Variants in SLAMF9 observed in about 807,000 individuals in gnomAD.
The protein encoded by SLAMF9 is SLAM family member 9, also known as CD2 family member 10.
SLAMF9 carries 25 observed loss-of-function variants against 30.4 expected under a neutral mutation model. The observed-to-expected ratio is 0.82, with a 90% CI of 0.60 to 1.15. The LOEUF is 1.15. Among genes scored for constraint, SLAMF9 ranks in the 50% most tolerant of loss-of-function variants. The pLI is 0.00. For synonymous variants in SLAMF9, 129 were observed against 127.2 expected, an observed-to-expected ratio of 1.01 and a Z score of -0.09; for missense variants, 344 against 346.1, an observed-to-expected ratio of 0.99 and a Z score of 0.05.
intron 2 of SLAMF9, 39 bp from the exon 3 acceptor site, chr1:159,952,573 A>C: frequency 6.2e-7 from 1 of 1,603,082 alleles, no homozygotes; most frequent in Non-Finnish European, 8.5e-7. Context: ...CTAAACAATC[A>C]GGGATCGGGT....
chr1:159,975,855 T>C, the SLAMF9 span, among the ~76,000 whole-genome samples: 13 of 152,128 alleles, frequency 8.5e-5, no homozygotes, highest in Admixed American at 8.5e-4. Flanking sequence ...AATAGGAAAT[T>C]GAGGGCAAGA....
chr1:159,981,698 C>T, the SLAMF9 span, among the ~76,000 whole-genome samples: 1 of 152,252 alleles, frequency 6.6e-6, no homozygotes, highest in Non-Finnish European at 1.5e-5. Context: ...AGCCTCCAGC[C>T]TCCTGCTGCT....
chr1:159,980,547 A>ATT, the SLAMF9 span: 1 of 144,722 alleles, frequency 6.9e-6, no homozygotes, highest in Non-Finnish European at 1.5e-5. Flanking sequence ...TGTTCACTCT[A>ATT]TTTTTTTTTT....
chr1:159,970,243 A>T, the SLAMF9 span, among the ~76,000 whole-genome samples: 1 of 152,192 alleles, frequency 6.6e-6, no homozygotes, highest in Non-Finnish European at 1.5e-5. Flanking sequence ...CTGAATGATT[A>T]GAAAGATAAA....
the SLAMF9 span, chr1:159,980,547 AT>A: frequency 1.1e-3 from 163 of 144,790 alleles, 2 homozygotes; most frequent in Middle Eastern, 3.5e-3. Flanking sequence ...TGTTCACTCT[AT>A]TTTTTTTTTT....
the SLAMF9 span, among the ~76,000 whole-genome samples, chr1:159,965,281 G>A: frequency 1.3e-5 from 2 of 152,192 alleles, no homozygotes; most frequent in Non-Finnish European, 2.9e-5. Context: ...AAACAAGGCA[G>A]GATAAAGGAA....
the SLAMF9 span, chr1:159,973,785 G>A: frequency 1.9e-6 from 3 of 1,613,346 alleles, no homozygotes; most frequent in East Asian, 2.2e-5. Context: ...AAACTCCCAA[G>A]CTGGTGACTT....
the SLAMF9 span, among the ~76,000 whole-genome samples, chr1:159,960,269 G>C: frequency 6.9e-6 from 1 of 145,828 alleles, no homozygotes; most frequent in East Asian, 2.0e-4. Context: ...GGCGGTGTTT[G>C]GTTTTTTGTC....
the SLAMF9 span, among the ~76,000 whole-genome samples, chr1:159,962,837 A>G: frequency 6.6e-6 from 1 of 152,214 alleles, no homozygotes; most frequent in Admixed American, 6.5e-5. Context: ...TAAGCCTGTT[A>G]TCCTGCCCTA....
chr1:159,983,189 G>T, the SLAMF9 span: 1 of 152,284 alleles, frequency 6.6e-6, no homozygotes, highest in East Asian at 1.9e-4. Context: ...GAGGTTTAAG[G>T]CCAATTAGCA....
the SLAMF9 span, chr1:159,974,023 C>A: frequency 6.2e-7 from 1 of 1,607,704 alleles, no homozygotes; most frequent in East Asian, 2.2e-5. Flanking sequence ...AGGGCATCTC[C>A]TTCAAACACA....
At chr1:159,969,366 A>G in the SLAMF9 span, among the ~76,000 whole-genome samples, 1 of 152,188 alleles carries the variant, frequency 6.6e-6, no homozygotes, top group African/African-American at 2.4e-5. Context: ...TCCTTCCTCT[A>G]GAACAGTGGC....
At chr1:159,967,637 A>G in the SLAMF9 span, among the ~76,000 whole-genome samples, 3 of 152,256 alleles carry the variant, frequency 2.0e-5, no homozygotes, top group African/African-American at 7.2e-5. Flanking sequence ...TTTCGCGAAG[A>G]GTGGCATTGG....
At chr1:159,957,685 A>T (rs1302695858), upstream of SLAMF9, among the ~76,000 whole-genome samples, 3 of 152,250 alleles carry the variant, frequency 2.0e-5, no homozygotes, top group Admixed American at 6.5e-5. Flanking sequence ...ATAGTTGTAT[A>T]AGACAACACT....
At chr1:159,960,683 C>T in the SLAMF9 span, among the ~76,000 whole-genome samples, 165 of 152,086 alleles carry the variant, frequency 1.1e-3, 1 homozygote, top group African/African-American at 3.3e-3. Flanking sequence ...CTTGAACTCC[C>T]GACCTCGTGA....
chr1:159,951,501 C>T lies in SLAMF9; in HGVS notation c.*160G>A. The T allele has an allele frequency of 6.1e-6, 4 of 656,772 alleles. No homozygotes were observed. The highest frequency in any genetic ancestry group is 1.0e-5 in the Non-Finnish European group (4 of 389,048). The allele number at this position is 656,772 out of a possible 1,614,324, so 40.7% of individuals were successfully genotyped here. A position where few individuals can be genotyped will look rare whatever the true frequency, so the allele number is the denominator to read the frequency against. On this transcript the variant is annotated 3_prime_UTR_variant, in exon 4 of 4. Coordinates refer to ENST00000368093, the MANE Select transcript of SLAMF9 (RefSeq NM_033438.4). ...CACAGCTCCTGCAGAGTTGTGGTCA[C>T]TTAATTTGACTTTATTGCCAGCCAG...
At chr1:159,976,973 G>GGAAAGAAAGAAAGAAA in the SLAMF9 span, 1 of 115,804 alleles carries the variant, frequency 8.6e-6, no homozygotes, top group Non-Finnish European at 1.8e-5. Context: ...AAAGAAAGAA[G>GGAAAGAAAGAAAGAAA]GAAAGAAGGA....
the SLAMF9 span, chr1:159,972,691 G>A: frequency 5.4e-5 from 11 of 204,410 alleles, no homozygotes; most frequent in Admixed American, 6.5e-4. Context: ...TGATCCCCAG[G>A]ACAGATACCC....
chr1:159,960,321 C>T, the SLAMF9 span, among the ~76,000 whole-genome samples: 1 of 151,810 alleles, frequency 6.6e-6, no homozygotes, highest in Non-Finnish European at 1.5e-5. Flanking sequence ...CAGCTTCATC[C>T]ATGTCCCTAC....
Sources: gnomAD v4.1 joint callset for allele counts (sites outside exome capture counted in the v4.1 genomes callset) on GRCh38, gnomAD v4.1.1 for gene constraint, MANE v1.5 for transcripts, NCBI Gene and HGNC (gene_info 2026-07-23, HGNC 2026-07-21) for gene names.